The following SUPT3H variants were observed in gnomAD, a reference collection of about 807,000 sequenced individuals.
SUPT3H encodes the protein SPT3 homolog, SAGA and STAGA complex component.
Under a neutral mutation model 44.3 loss-of-function variants are expected in SUPT3H, and 44 were observed. That is an observed-to-expected ratio of 0.99 (90% CI 0.78 to 1.28). SUPT3H has a LOEUF of 1.28. Among genes scored for constraint, SUPT3H ranks in the 50% most tolerant of loss-of-function variants. The probability of loss-of-function intolerance (pLI) is 0.00; values close to 1 mark genes in which losing one functional copy is unlikely to be tolerated. For missense variants in SUPT3H, 380 were observed against 387.1 expected (o/e 0.98, Z 0.15); for synonymous variants, 124 against 125.6 (o/e 0.99, Z 0.09).
In SUPT3H at chr6:45,230,662, CTATATAT is replaced by C. The variant is rs1767815723; in HGVS notation, c.102-124663_102-124657del. ...AAATCATGTTTTAAATTCATTCAGTCTATATATATATATATATATATATATTTTTGAG... is the reference window on the plus strand; with the variant it reads ...AAATCATGTTTTAAATTCATTCAGTCATATATATATATATATATTTTTGAG... On this transcript the variant is annotated intron_variant, in intron 2 of 10. Coordinates refer to ENST00000371459, the MANE Select transcript of SUPT3H (RefSeq NM_003599.4). 5.1e-4 allele frequency among the ~76,000 whole-genome samples: 35 copies of C among 68,704 alleles called. 1 individual carries two copies. Among genetic ancestry groups the C allele is most frequent in the Non-Finnish European group, 7.4e-4 (24 of 32,600 alleles). 45.1% of individuals were successfully genotyped at this position (68,704 alleles called of 152,430 possible).
intron 2 of SUPT3H, among the ~76,000 whole-genome samples, chr6:45,268,689 G>A (rs1012959649): frequency 6.6e-6 from 1 of 151,952 alleles, no homozygotes; most frequent in Non-Finnish European, 1.5e-5. Context: ...AGATAACTAA[G>A]AAGAATGTGT....
At chr6:45,218,738 A>G (rs1418098327) in intron 2 of SUPT3H, among the ~76,000 whole-genome samples, 1 of 152,250 alleles carries the variant, frequency 6.6e-6, no homozygotes, top group Non-Finnish European at 1.5e-5. Context: ...CCGTCTCAAA[A>G]AAAGTACTAG....
intron 3 of SUPT3H, among the ~76,000 whole-genome samples, chr6:45,083,368 T>G (rs1384779643): frequency 6.6e-6 from 1 of 151,868 alleles, no homozygotes; most frequent in African/African-American, 2.4e-5. Context: ...ATTTTTGTAT[T>G]TTTAATAGAG....
At chr6:45,319,530 C>T (rs572849231) in intron 2 of SUPT3H, among the ~76,000 whole-genome samples, 25 of 152,184 alleles carry the variant, frequency 1.6e-4, no homozygotes, top group Non-Finnish European at 3.2e-4. Flanking sequence ...GGCTAAAGAT[C>T]TGAAATTCAG....
intron 2 of SUPT3H, among the ~76,000 whole-genome samples, chr6:45,288,281 A>G (rs767678597): frequency 6.6e-6 from 1 of 152,000 alleles, no homozygotes; most frequent in Non-Finnish European, 1.5e-5. Context: ...TTTAGGGATT[A>G]TAACTGAGAA....
At chr6:45,038,398 C>T (rs1263722075) in intron 3 of SUPT3H, among the ~76,000 whole-genome samples, 1 of 152,146 alleles carries the variant, frequency 6.6e-6, no homozygotes, top group Admixed American at 6.5e-5. Context: ...GTGTGTCTAA[C>T]ACCCACCAAC....
chr6:45,048,221 C>CTTTTTT (rs67557043), intron 3 of SUPT3H, among the ~76,000 whole-genome samples: 14 of 88,156 alleles, frequency 1.6e-4, no homozygotes, highest in East Asian at 1.1e-3. Context: ...TCTCTCTACT[C>CTTTTTT]TTTTTTTTTT....
chr6:45,371,820 G>A (rs889374688), intron 1 of SUPT3H: 54 of 983,972 alleles, frequency 5.5e-5, no homozygotes, highest in Non-Finnish European at 6.4e-5. Flanking sequence ...GGGAACCAAA[G>A]ACATCTGAGC....
chr6:45,284,411 T>C (rs1263056066), intron 2 of SUPT3H, among the ~76,000 whole-genome samples: 1 of 152,102 alleles, frequency 6.6e-6, no homozygotes, highest in African/African-American at 2.4e-5. Flanking sequence ...ATAAAGGGGA[T>C]ATCACCACTG....
chr6:45,336,266 G>A (rs1040994440), intron 2 of SUPT3H, among the ~76,000 whole-genome samples: 6 of 151,360 alleles, frequency 4.0e-5, no homozygotes, highest in African/African-American at 1.5e-4. Context: ...GTACTGTCAC[G>A]AAAGCTTTAT....
rs762104666 is a variant in SUPT3H at position 44,817,232 on chromosome 6, GA to G, written c.*53-7732del. Among the ~76,000 whole-genome samples, 253 of 128,420 alleles carry G rather than the reference GA, an allele frequency of 2.0e-3. 1 individual carries two copies. Among genetic ancestry groups the G allele is most frequent in the Middle Eastern group, 8.0e-3 (2 of 250 alleles). 84.2% of individuals were successfully genotyped at this position (128,420 alleles called of 152,430 possible). On this transcript the variant is annotated intron_variant and NMD_transcript_variant, in intron 11 of 11. Transcript: ENST00000475057. ...ATCAATCAACGTAATCTATCACTGG[GA>G]AAAAAAAAAAAAACTCATTGTCTTC...
intron 3 of SUPT3H, among the ~76,000 whole-genome samples, chr6:45,049,790 AT>A (rs1789991784): frequency 6.6e-6 from 1 of 152,198 alleles, no homozygotes; most frequent in Admixed American, 6.5e-5. Flanking sequence ...TCTAATCCTT[AT>A]AAAATAAGGA....
chr6:45,173,833 G>C (rs1584012886), intron 2 of SUPT3H, among the ~76,000 whole-genome samples: 1 of 152,218 alleles, frequency 6.6e-6, no homozygotes, highest in African/African-American at 2.4e-5. Context: ...TCTGGGGGAA[G>C]ACATCACTGA....
intron 11 of SUPT3H, among the ~76,000 whole-genome samples, chr6:44,813,090 T>C (rs572073653): frequency 1.3e-5 from 2 of 152,224 alleles, no homozygotes; most frequent in South Asian, 4.1e-4. Context: ...CCTAGGGATA[T>C]TTTCTAGGAA....
chr6:44,901,520 A>T (rs1765049272), intron 10 of SUPT3H, among the ~76,000 whole-genome samples: 1 of 152,050 alleles, frequency 6.6e-6, no homozygotes, highest in African/African-American at 2.4e-5. Context: ...ATATGGGACT[A>T]TGTGAAAAGA....
intron 3 of SUPT3H, among the ~76,000 whole-genome samples, chr6:45,073,907 T>C (rs1027602679): frequency 2.6e-5 from 4 of 151,972 alleles, no homozygotes; most frequent in Non-Finnish European, 5.9e-5. Flanking sequence ...AGTATTTCTA[T>C]GGAAGAGAAC....
chr6:45,078,692 G>A (rs1302645365), intron 3 of SUPT3H, among the ~76,000 whole-genome samples: 1 of 152,064 alleles, frequency 6.6e-6, no homozygotes, highest in Non-Finnish European at 1.5e-5. Context: ...AGTATACTTG[G>A]CTGACAGGTT....
At chr6:44,941,545 G>T (rs1209184754) in intron 9 of SUPT3H, among the ~76,000 whole-genome samples, 2 of 152,142 alleles carry the variant, frequency 1.3e-5, no homozygotes, top group Non-Finnish European at 1.5e-5. Context: ...GACTGAAAAA[G>T]GTTTTCTTTA....
intron 3 of SUPT3H, among the ~76,000 whole-genome samples, chr6:45,078,610 T>C (rs1293639304): frequency 6.6e-6 from 1 of 152,228 alleles, no homozygotes; most frequent in Non-Finnish European, 1.5e-5. Flanking sequence ...GGTGATAAAT[T>C]CCCTCAGCTT....
Sources: allele counts gnomAD v4.1 joint callset (sites outside exome capture counted in the v4.1 genomes callset), GRCh38; gene constraint gnomAD v4.1.1; transcripts MANE v1.5; gene names NCBI Gene and HGNC (gene_info 2026-07-23, HGNC 2026-07-21).